HSP90AA1: variants seen among roughly 807,000 people sequenced by gnomAD.
HSP90AA1 encodes the protein heat shock protein 90 alpha family class A member 1.
Under a neutral mutation model 73.3 loss-of-function variants are expected in HSP90AA1, and 18 were observed. That is an observed-to-expected ratio of 0.25 (90% confidence interval 0.17 to 0.36). The LOEUF (loss-of-function observed/expected upper bound fraction) is 0.36, where lower values mean the gene tolerates loss of function less well. Ranked by LOEUF, HSP90AA1 falls within the 10% of genes least tolerant of loss-of-function variation. The pLI is 1.00. For missense variants in HSP90AA1, 704 were observed against 874.2 expected (o/e 0.81, Z 2.45); for synonymous variants, 477 against 296.9 (o/e 1.61, Z -6.24).
At chr14:102,086,189 T>C in intron 2 of HSP90AA1, 28 bp downstream of exon 2, 3 of 1,614,156 alleles carry the variant, frequency 1.9e-6, no homozygotes, top group South Asian at 1.1e-5. Flanking sequence ...GAAACCAAAA[T>C]CCGATTCTGG....
intron 1 of HSP90AA1, among the ~76,000 whole-genome samples, chr14:102,131,641 G>A (rs2049907978): frequency 6.6e-6 from 1 of 152,002 alleles, no homozygotes; most frequent in Non-Finnish European, 1.5e-5. Flanking sequence ...TCTTCCCATG[G>A]CCCACCTCCT....
At chr14:102,096,454 C>G (rs1190604245) in intron 2 of HSP90AA1, among the ~76,000 whole-genome samples, 1 of 152,166 alleles carries the variant, frequency 6.6e-6, no homozygotes, top group African/African-American at 2.4e-5. Context: ...GGTCTGCCCC[C>G]GATCATCTCT....
chr14:102,084,873 A>G lies in HSP90AA1; in HGVS notation c.789T>C (p.Ser263=). 6.4e-7 allele frequency: 1 copy of G among 1,562,576 alleles called. No individual in the cohort carries two copies. The highest frequency in any genetic ancestry group is 8.8e-7 in the Non-Finnish European group (1 of 1,133,618). ...EDKPEIEDVG[S]DEEEEKKDGD... The stretch of plus-strand genomic sequence containing the variant: ...CATCCTTCTTTTCTTCTTCCTCATC[A>G]GAACCAACATCTTCAATTTCAGGTT... The change falls in exon 5 of 11, where the codon TCT becomes TCC. Residue 263 remains serine (S), a synonymous_variant. Coordinates refer to ENST00000216281, the MANE Select transcript of HSP90AA1 (RefSeq NM_005348.4).
intron 1 of HSP90AA1, among the ~76,000 whole-genome samples, chr14:102,136,861 C>T (rs151283735): frequency 0.017 from 2,559 of 148,308 alleles, 50 homozygotes; most frequent in South Asian, 0.096. Flanking sequence ...GCACTCAAGC[C>T]TGGGGGACAA....
chr14:102,095,169 T>C (rs1184150063), intron 2 of HSP90AA1, among the ~76,000 whole-genome samples: 1 of 152,082 alleles, frequency 6.6e-6, no homozygotes, highest in African/African-American at 2.4e-5. Context: ...AAGGGATGTA[T>C]TGAGAAGGAA....
chr14:102,129,424 T>A (rs1463415163), intron 1 of HSP90AA1, among the ~76,000 whole-genome samples: 1 of 152,100 alleles, frequency 6.6e-6, no homozygotes, highest in Non-Finnish European at 1.5e-5. Context: ...CCTGGGCTCA[T>A]TAGCAGTCAC....
chr14:102,086,493 A>C (rs2049239022), intron 1 of HSP90AA1, 115 bp from the exon 2 acceptor site: 1 of 1,201,836 alleles, frequency 8.3e-7, no homozygotes, highest in Non-Finnish European at 1.2e-6. Context: ...GCGAAGTTTA[A>C]GTAAACCGAA....
At chr14:102,088,759 C>G (rs2152615293), upstream of HSP90AA1, among the ~76,000 whole-genome samples, 1 of 152,302 alleles carries the variant, frequency 6.6e-6, no homozygotes, top group South Asian at 2.1e-4. Flanking sequence ...CCGCCTTTGC[C>G]TGTTTCCTTC....
At chr14:102,086,168 A>G in intron 2 of HSP90AA1, 44 bp from the exon 3 acceptor site, 1 of 1,611,756 alleles carries the variant, frequency 6.2e-7, no homozygotes, top group Non-Finnish European at 8.5e-7. Context: ...CACCCCCAAG[A>G]AGTTCACACT....
chr14:102,082,879 A>G (rs1252390516), intron 9 of HSP90AA1, 155 bp downstream of exon 9: 2 of 766,356 alleles, frequency 2.6e-6, no homozygotes, highest in Admixed American at 2.0e-5. Context: ...TCAGCCTCCC[A>G]AAGTGCTGGG....
chr14:102,133,587 G>A (rs1467555190), intron 1 of HSP90AA1, among the ~76,000 whole-genome samples: 6 of 150,642 alleles, frequency 4.0e-5, no homozygotes, highest in African/African-American at 1.5e-4. Context: ...AGGTTCAAGT[G>A]ATTCTCCTGC....
At position 102,082,211 on chromosome 14, in the gene HSP90AA1, G is replaced by A. The variant is rs888291495; in HGVS notation, c.1989C>T (p.Val663=). 10 of 1,613,622 alleles carry A rather than the reference G, an allele frequency of 6.2e-6. No homozygotes were observed. Among genetic ancestry groups the A allele is most frequent in the South Asian group, 1.1e-5 (1 of 91,046 alleles). Residue 663 remains valine, a synonymous_variant, in exon 10 of 11, where the codon GTC becomes GTT. Coordinates refer to ENST00000216281, the MANE Select transcript of HSP90AA1 (RefSeq NM_005348.4). ...GGAGCGCAGTTTCATAAAGCAAGAT[G>A]ACCAGATCCTTCACAGACTTGTCGT... ...DKNDKSVKDL[V]ILLYETALLS...
At chr14:102,087,895 GTATC>G (rs1036984772), upstream of HSP90AA1, among the ~76,000 whole-genome samples, 10 of 143,898 alleles carry the variant, frequency 6.9e-5, no homozygotes, top group Non-Finnish European at 1.1e-4. Context: ...TCCAAATTAA[GTATC>G]TAACACTTTG....
At chr14:102,114,733 TTGCTGAC>T (rs2049685131) in intron 1 of HSP90AA1, among the ~76,000 whole-genome samples, 1 of 152,186 alleles carries the variant, frequency 6.6e-6, no homozygotes, top group South Asian at 2.1e-4. Context: ...CCGGACCCGG[TTGCTGAC>T]TGTAATCCCG....
At chr14:102,088,669 G>A (rs1242877919), upstream of HSP90AA1, among the ~76,000 whole-genome samples, 1 of 152,158 alleles carries the variant, frequency 6.6e-6, no homozygotes, top group Non-Finnish European at 1.5e-5. Flanking sequence ...GCTGCAGCCT[G>A]GACTGGCGGG....
Position 102,084,464 on chromosome 14 carries a change from ATGT to A in HSP90AA1, c.1079_1081del (p.Asn360del). On this transcript the variant is annotated inframe_deletion, in exon 6 of 11. Transcript: ENST00000216281. ...GAAAACTCTGCGTACATACAATTTG[ATGT>A]TGTTCTTTTTCTTTCTGTTTTCAAA... The A allele has an allele frequency of 6.2e-7, 1 of 1,613,786 alleles. No homozygotes were observed. The highest frequency in any genetic ancestry group is 1.7e-5 in the Admixed American group (1 of 60,012).
chr14:102,089,140 C>T (rs868282882), upstream of HSP90AA1, among the ~76,000 whole-genome samples: 4 of 152,114 alleles, frequency 2.6e-5, no homozygotes, highest in South Asian at 2.1e-4. Flanking sequence ...AGGCTGGTCT[C>T]GAACCCGTGA....
chr14:102,102,216 T>A (rs1157164109), intron 1 of HSP90AA1: 1 of 751,200 alleles, frequency 1.3e-6, no homozygotes, highest in African/African-American at 1.7e-5. Flanking sequence ...GACTGTCAAA[T>A]GGATTAAAAT....
intron 1 of HSP90AA1, among the ~76,000 whole-genome samples, 161 bp downstream of exon 1, chr14:102,086,825 A>T (rs941145081): frequency 6.6e-6 from 1 of 151,638 alleles, no homozygotes; most frequent in Non-Finnish European, 1.5e-5. Flanking sequence ...CGGAAACCGC[A>T]GCGGTCCCGA....
Sources: allele counts gnomAD v4.1 joint callset (sites outside exome capture counted in the v4.1 genomes callset), GRCh38; gene constraint gnomAD v4.1.1; transcripts MANE v1.5; gene names NCBI Gene and HGNC (gene_info 2026-07-23, HGNC 2026-07-21).